GLUD1: variants seen among roughly 807,000 people sequenced by gnomAD.
GLUD1 encodes glutamate dehydrogenase 1.
A neutral mutation model predicts 56.0 loss-of-function variants in GLUD1; 22 were observed. The ratio of observed to expected loss-of-function variants is 0.39; its 90% CI spans 0.28 to 0.56. GLUD1 has a LOEUF of 0.56. Ranked by LOEUF, GLUD1 falls within the 20% of genes least tolerant of loss-of-function variation. The pLI is 0.58. For missense variants in GLUD1, 451 were observed against 732.0 expected, an observed-to-expected ratio of 0.62 and a Z score of 4.43; for synonymous variants, 223 against 269.9, an observed-to-expected ratio of 0.83 and a Z score of 1.70.
At chr10:87,057,820 A>G (rs1564763549) in intron 10 of GLUD1, 38 bp from the exon 11 acceptor site, 1 of 912,988 alleles carries the variant, frequency 1.1e-6, no homozygotes, top group African/African-American at 2.1e-5. Flanking sequence ...TATTGCTAAC[A>G]GAAAAAAAAA....
intron 6 of GLUD1, among the ~76,000 whole-genome samples, chr10:87,062,071 C>T (rs541620171): frequency 3.9e-5 from 6 of 152,190 alleles, no homozygotes; most frequent in Admixed American, 1.3e-4. Context: ...CGTGAGCCAC[C>T]ACGCCCGGCT....
intron 4 of GLUD1, among the ~76,000 whole-genome samples, chr10:87,072,089 G>A (rs544178364): frequency 6.6e-6 from 1 of 152,208 alleles, no homozygotes; most frequent in Admixed American, 6.5e-5. Flanking sequence ...TCTGGGATAC[G>A]TGATGAGACC....
intron 1 of GLUD1, chr10:87,092,527 A>T: frequency 2.5e-6 from 1 of 398,206 alleles, no homozygotes; most frequent in Non-Finnish European, 3.4e-6. Flanking sequence ...ATTTGTTGCT[A>T]GGTTCAATAT....
rs527792244 is a variant in GLUD1, at chr10:87,067,901, G to A, written c.741+162C>T. The stretch of plus-strand genomic sequence containing the variant: ...GTAAAGCTCAATCTGTGTTCATTAC[G>A]ATTTAAGAATAGACAAGTAGACATA... On this transcript the variant is annotated intron_variant, in intron 5 of 12. Coordinates refer to ENST00000277865, the MANE Select transcript of GLUD1 (RefSeq NM_005271.5). 552 of 638,594 alleles carry A rather than the reference G, an allele frequency of 8.6e-4. 4 individuals are homozygous for A. The highest frequency in any genetic ancestry group is 6.9e-3 in the South Asian group (431 of 62,478). 39.6% of individuals were successfully genotyped at this position (638,594 alleles called of 1,614,324 possible). A position where few individuals can be genotyped will look rare whatever the true frequency, so the allele number is the denominator to read the frequency against.
At chr10:87,071,905 T>C (rs908661247) in intron 4 of GLUD1, among the ~76,000 whole-genome samples, 3 of 152,190 alleles carry the variant, frequency 2.0e-5, no homozygotes, top group South Asian at 4.1e-4. Flanking sequence ...CAAAACATCA[T>C]TGAAAGAAAT....
At chr10:87,057,005 G>A (rs1278364270) in intron 11 of GLUD1, among the ~76,000 whole-genome samples, 1 of 151,712 alleles carries the variant, frequency 6.6e-6, no homozygotes, top group South Asian at 2.1e-4. Context: ...GGGTGGCGGC[G>A]GCGGGAACGG....
chr10:87,055,923 G>A (rs867353694), intron 11 of GLUD1, among the ~76,000 whole-genome samples: 1 of 151,842 alleles, frequency 6.6e-6, no homozygotes, highest in African/African-American at 2.4e-5. Flanking sequence ...AGACCAGCCT[G>A]ACCAACAAGG....
intron 1 of GLUD1, among the ~76,000 whole-genome samples, chr10:87,088,986 T>C (rs529980966): frequency 4.3e-4 from 65 of 152,242 alleles, no homozygotes; most frequent in African/African-American, 1.5e-3. Context: ...GTCTTCGGAG[T>C]TGGGTGTAGG....
Position 87,059,209 on chromosome 10 carries a change from T to A in GLUD1, c.1343A>T (p.His448Leu). 6.2e-7 allele frequency: 1 copy of A among 1,613,930 alleles called. No homozygotes were observed. The highest frequency in any genetic ancestry group is 8.5e-7 in the Non-Finnish European group (1 of 1,179,912). ...SYFEWLKNLNHVSYGRLTFKY... is the reference protein window; with the variant it reads ...SYFEWLKNLNLVSYGRLTFKY... The stretch of plus-strand genomic sequence containing the variant: ...GAAGGTCAAACGGCCATAGCTGACA[T>A]GATTTAGATTCTTCAGCCACTCAAA... Residue 448 changes from histidine to leucine, a missense_variant, in exon 10 of 13, where the codon CAT becomes CTT. Around this residue, in one of 4 missense-constraint regions of GLUD1, gnomAD observed 248 missense variants for 460.0 expected, o/e 0.54. Coordinates refer to ENST00000277865, the MANE Select transcript of GLUD1 (RefSeq NM_005271.5).
intron 4 of GLUD1, among the ~76,000 whole-genome samples, chr10:87,073,505 G>A (rs953269836): frequency 5.3e-5 from 8 of 150,406 alleles, no homozygotes; most frequent in African/African-American, 2.0e-4. Context: ...AGAAAGGAAA[G>A]TAGAGAAAAA....
chr10:87,074,857 G>A (rs1277573371), intron 3 of GLUD1, among the ~76,000 whole-genome samples: 1 of 151,960 alleles, frequency 6.6e-6, no homozygotes, highest in African/African-American at 2.4e-5. Context: ...ATTCCCCACT[G>A]AAAAATACAC....
intron 1 of GLUD1, among the ~76,000 whole-genome samples, chr10:87,087,839 A>G (rs6586054): frequency 0.67 from 102,338 of 152,008 alleles, 35,043 homozygotes; most frequent in East Asian, 0.84. Flanking sequence ...CCAGCACTTT[A>G]GGAGGCCGAG....
At chr10:87,093,838 C>G in intron 1 of GLUD1, 2 of 1,028,992 alleles carry the variant, frequency 1.9e-6, no homozygotes, top group Admixed American at 2.3e-5. Flanking sequence ...GAAGCCAAGT[C>G]ATTTTCTATG....
At chr10:87,061,861 G>C (rs1420465585) in intron 6 of GLUD1, among the ~76,000 whole-genome samples, 1 of 152,062 alleles carries the variant, frequency 6.6e-6, no homozygotes, top group Non-Finnish European at 1.5e-5. Flanking sequence ...TCGGCTCACT[G>C]CAAGCTCCAC....
At chr10:87,093,930 C>G in intron 1 of GLUD1, 1 of 1,352,176 alleles carries the variant, frequency 7.4e-7, no homozygotes, top group Non-Finnish European at 9.7e-7. Context: ...AGGGGAGACT[C>G]ACAAAAGCCC....
chr10:87,080,390 T>C (rs1841189548), intron 1 of GLUD1, among the ~76,000 whole-genome samples: 2 of 148,156 alleles, frequency 1.3e-5, no homozygotes, highest in Admixed American at 6.7e-5. Flanking sequence ...TGTCTCTGCC[T>C]GGCCGCCCAT....
intron 11 of GLUD1, among the ~76,000 whole-genome samples, chr10:87,055,670 T>C (rs1381200822): frequency 6.6e-6 from 1 of 152,068 alleles, no homozygotes; most frequent in Non-Finnish European, 1.5e-5. Context: ...AACAAAGACA[T>C]CACTCTAGGA....
chr10:87,083,272 TAACTC>T (rs1327896557), intron 1 of GLUD1, among the ~76,000 whole-genome samples: 1 of 150,998 alleles, frequency 6.6e-6, no homozygotes, highest in Non-Finnish European at 1.5e-5. Context: ...GTACTCTACT[TAACTC>T]AATGGATTGG....
In GLUD1 at chr10:87,074,549, A is replaced by G; in HGVS notation, c.646+2T>C. ...TACCAAAAACTATGTGGCTACACAT[A>G]CCAATAAAGCCCTTTTTTGCTAGCT... On this transcript the variant is annotated splice_donor_variant, in intron 4 of 12. Transcript: ENST00000277865. LOFTEE classifies it high-confidence loss of function. The G allele has an allele frequency of 6.5e-7, 1 of 1,545,158 alleles. No homozygotes were observed. The highest frequency in any genetic ancestry group is 9.0e-7 in the Non-Finnish European group (1 of 1,117,232).
Sources: gnomAD v4.1 joint callset for allele counts (sites outside exome capture counted in the v4.1 genomes callset) on GRCh38, gnomAD v4.1.1 for gene constraint, gnomAD v4.1.1 regional missense constraint, MANE v1.5 for transcripts, NCBI Gene and HGNC (gene_info 2026-07-23, HGNC 2026-07-21) for gene names.